Variants in USP6NL observed in about 807,000 individuals in gnomAD.
USP6NL encodes USP6 N-terminal like.
In USP6NL, 26 loss-of-function variants were observed where a neutral mutation model predicts 61.9. The observed-to-expected ratio is 0.42, with a 90% CI of 0.31 to 0.58. The LOEUF (loss-of-function observed/expected upper bound fraction) is 0.58. USP6NL is among the 20% of genes least tolerant of loss of function. The pLI, the probability that USP6NL is intolerant of heterozygous loss-of-function variation, is 0.16. For missense variants in USP6NL, 1,114 were observed against 1,034.3 expected (o/e 1.08, Z -1.06); for synonymous variants, 432 against 390.1 (o/e 1.11, Z -1.27).
intron 14 of USP6NL, among the ~76,000 whole-genome samples, chr10:11,464,780 T>G (rs1832378184): frequency 6.6e-6 from 1 of 152,212 alleles, no homozygotes; most frequent in Non-Finnish European, 1.5e-5. Context: ...GAAATATATT[T>G]TATAATATGT....
In USP6NL at chr10:11,537,942, G is replaced by C. The variant is rs952738900; in HGVS notation, c.5-10375C>G. ...TGCAAATAAAAAGATCAACAGTGTC[G>C]ATATAATTGGTAGGTTGCTTGTTTT... On this transcript the variant is annotated intron_variant, in intron 2 of 14. Coordinates refer to ENST00000609104, the MANE Select transcript of USP6NL (RefSeq NM_014688.5). The surrounding 1 kb of genome is among the most constrained non-coding windows in gnomAD (Gnocchi z 5.1). Among the ~76,000 whole-genome samples, 1 of 152,184 alleles carries C rather than the reference G, an allele frequency of 6.6e-6. No homozygotes were observed. Among genetic ancestry groups the C allele is most frequent in the Non-Finnish European group, 1.5e-5 (1 of 68,034 alleles).
At chr10:11,557,777 C>T (rs1364543200) in intron 2 of USP6NL, among the ~76,000 whole-genome samples, 1 of 152,084 alleles carries the variant, frequency 6.6e-6, no homozygotes, top group Non-Finnish European at 1.5e-5. Context: ...ACTACACGGG[C>T]GGGCTCATCT....
In USP6NL at chr10:11,528,675, G is replaced by A. The variant is rs1359840239; in HGVS notation, c.5-1108C>T. Reference sequence around the variant, plus strand: ...TTATAAAAATGATGACTAAAGACATGAAAAAGGACTTCCAGTTACCGATGG... The same window carrying A: ...TTATAAAAATGATGACTAAAGACATAAAAAAGGACTTCCAGTTACCGATGG... On this transcript the variant is annotated intron_variant, in intron 2 of 14. Transcript: ENST00000609104. The surrounding 1 kb of genome is among the most constrained non-coding windows in gnomAD (Gnocchi z 4.6). 6.6e-6 allele frequency among the ~76,000 whole-genome samples: 1 copy of A among 152,152 alleles called. No homozygotes were observed. Among genetic ancestry groups the A allele is most frequent in the Non-Finnish European group, 1.5e-5 (1 of 68,014 alleles).
rs1296033695 is a variant in USP6NL at position 11,518,780 on chromosome 10, C to G, written c.156-206G>C. 6.6e-6 allele frequency among the ~76,000 whole-genome samples: 1 copy of G among 152,204 alleles called. No homozygotes were observed. The highest frequency in any genetic ancestry group is 1.5e-5 in the Non-Finnish European group (1 of 68,038). On this transcript the variant is annotated intron_variant, in intron 4 of 14. Coordinates refer to ENST00000609104, the MANE Select transcript of USP6NL (RefSeq NM_014688.5). The surrounding 1 kb of genome is among the most constrained non-coding windows in gnomAD (Gnocchi z 5.3). ...TCTTCAAAATCCAGCCCTGCACTGTCACCAGTAGCCACAAGCCACATTTAT... is the reference window on the plus strand; with the variant it reads ...TCTTCAAAATCCAGCCCTGCACTGTGACCAGTAGCCACAAGCCACATTTAT...
rs1313847177 is a variant in USP6NL at position 11,528,159 on chromosome 10, A to ACACACC, written c.5-593_5-592insGGTGTG. On this transcript the variant is annotated intron_variant, in intron 2 of 14. Transcript: ENST00000609104. This position sits in a 1 kb window ranked among gnomAD's most constrained non-coding sequence, Gnocchi z 4.6. Reference sequence around the variant, plus strand: ...CACACACACACACACACACACACACACCCTTCATCCTTATTAACATTAGGA... The same window carrying ACACACC: ...CACACACACACACACACACACACACACACACCCCCTTCATCCTTATTAACATTAGGA... 1.7e-4 allele frequency among the ~76,000 whole-genome samples: 25 copies of ACACACC among 150,902 alleles called. No individual in the cohort carries two copies. The highest frequency in any genetic ancestry group is 6.1e-4 in the African/African-American group (25 of 40,882).
At chr10:11,523,833 G>A (rs1591885215) in intron 4 of USP6NL, among the ~76,000 whole-genome samples, 1 of 152,178 alleles carries the variant, frequency 6.6e-6, no homozygotes, top group African/African-American at 2.4e-5. Context: ...AAACACTTGG[G>A]AAGGTCAAAA....
In USP6NL at chr10:11,463,399, G is replaced by A. The variant is rs756118838; in HGVS notation, c.1529C>T (p.Ala510Val). 8.1e-6 allele frequency: 13 copies of A among 1,614,048 alleles called. No individual in the cohort carries two copies. The highest frequency in any genetic ancestry group is 1.1e-5 in the Non-Finnish European group (13 of 1,179,906). Residue 510 changes from alanine to valine, a missense_variant, in exon 15 of 15, where the codon GCA becomes GTA. Coordinates refer to ENST00000609104, the MANE Select transcript of USP6NL (RefSeq NM_014688.5). The surrounding 1 kb of genome is among the most constrained non-coding windows in gnomAD (Gnocchi z 6.3). The stretch of plus-strand genomic sequence containing the variant: ...GGTAACTGCGAGCGCGGGGTGCGCT[G>A]CTCGACCTTTGCCTTCCATGGTGTA... ...AKYTMEGKGRAAHPALAVTVP... is the reference protein window; with the variant it reads ...AKYTMEGKGRVAHPALAVTVP...
chr10:11,462,909 A>C lies in USP6NL; in HGVS notation c.2019T>G (p.Ser673=). Residue 673 remains serine (S), a synonymous_variant, in exon 15 of 15, where the codon TCT becomes TCG. Transcript: ENST00000609104. ...QLNPSRRPHG[S]TLSVSASPEK... ...CCGGAGAAGCACTGACGGAAAGAGT[A>C]GAACCATGAGGTCTCCTGGAAGGAT... 1.9e-6 allele frequency: 3 copies of C among 1,613,658 alleles called. No individual in the cohort carries two copies. The highest frequency in any genetic ancestry group is 2.5e-6 in the Non-Finnish European group (3 of 1,179,712).
chr10:11,481,653 A>G lies in USP6NL; in HGVS notation c.1078+117T>C, dbSNP rs2133221488. On this transcript the variant is annotated intron_variant, in intron 14 of 14. Coordinates refer to ENST00000609104, the MANE Select transcript of USP6NL (RefSeq NM_014688.5). The surrounding 1 kb of genome is among the most constrained non-coding windows in gnomAD (Gnocchi z 4.4). ...CTGAGCTGGTAAGGCATTCATCCAC[A>G]TTATGTCATCACAAGTATAATGCTT... 8.8e-7 allele frequency: 1 copy of G among 1,135,196 alleles called. No homozygotes were observed. The highest frequency in any genetic ancestry group is 1.2e-6 in the Non-Finnish European group (1 of 852,640). 70.3% of individuals were successfully genotyped at this position (1,135,196 alleles called of 1,614,324 possible). A position where few individuals can be genotyped will look rare whatever the true frequency, so the allele number is the denominator to read the frequency against.
intron 2 of USP6NL, chr10:11,565,533 T>G (rs892051358): frequency 4.6e-5 from 7 of 152,018 alleles, no homozygotes; most frequent in Admixed American, 3.9e-4. Flanking sequence ...TCCCAGCTAC[T>G]TGGGAGGCTG....
intron 2 of USP6NL, among the ~76,000 whole-genome samples, chr10:11,581,502 G>A (rs1837773257): frequency 6.6e-6 from 1 of 152,058 alleles, no homozygotes; most frequent in Non-Finnish European, 1.5e-5. Context: ...AACTTTTTTG[G>A]CTTTCCTGGA....
intron 2 of USP6NL, among the ~76,000 whole-genome samples, chr10:11,584,632 G>A (rs756924877): frequency 6.6e-6 from 1 of 151,880 alleles, no homozygotes; most frequent in Non-Finnish European, 1.5e-5. Flanking sequence ...AATGGTACAT[G>A]TCTCAAAATA....
rs1834452852 is a variant in USP6NL at position 11,506,730 on chromosome 10, C to A, written c.276+2865G>T. Among the ~76,000 whole-genome samples, 4 of 131,430 alleles carry A rather than the reference C, an allele frequency of 3.0e-5. No homozygotes were observed. The South Asian group carries it at 1.0e-3, about 34-fold the overall frequency. The allele number at this position is 131,430 out of a possible 152,430, so 86.2% of individuals were successfully genotyped here. ...ACAGAGGCAACACAAACAACCTTAA[C>A]AGAATTTTTTTTTTTTTTTCATTAA... On this transcript the variant is annotated intron_variant, in intron 6 of 14. Transcript: ENST00000609104.
intron 7 of USP6NL, among the ~76,000 whole-genome samples, chr10:11,497,472 ACTG>A (rs1408004433): frequency 6.6e-6 from 1 of 152,084 alleles, no homozygotes; most frequent in African/African-American, 2.4e-5. Flanking sequence ...AGAGGTTTCA[ACTG>A]TTGTTCTACA....
chr10:11,555,021 G>A (rs1327548149), intron 2 of USP6NL, among the ~76,000 whole-genome samples: 1 of 142,852 alleles, frequency 7.0e-6, no homozygotes, highest in Non-Finnish European at 1.5e-5. Flanking sequence ...AGCCAGGATG[G>A]TCTCGATCTC....
chr10:11,546,782 T>C (rs767444225), intron 2 of USP6NL, among the ~76,000 whole-genome samples: 3 of 152,222 alleles, frequency 2.0e-5, no homozygotes, highest in Non-Finnish European at 2.9e-5. Context: ...CTGGCAAGTA[T>C]GATGGAATGC....
Position 11,462,360 on chromosome 10 carries a change from A to C in USP6NL, c.*81T>G. ...GTGCGAGTTGTTTACAATAGTATAA[A>C]TACTGCTTTGGCAATTATGAACATA... On this transcript the variant is annotated 3_prime_UTR_variant, in exon 15 of 15. Coordinates refer to ENST00000609104, the MANE Select transcript of USP6NL (RefSeq NM_014688.5). 2.0e-6 allele frequency: 3 copies of C among 1,469,824 alleles called. No homozygotes were observed. The South Asian group carries it at 4.1e-5, about 20-fold the overall frequency. 91.0% of individuals were successfully genotyped at this position (1,469,824 alleles called of 1,614,324 possible).
At position 11,595,633 on chromosome 10, in the gene USP6NL, T is replaced by G. The variant is rs988025924; in HGVS notation, c.4+1998A>C. Among the ~76,000 whole-genome samples, 1 of 151,486 alleles carries G rather than the reference T, an allele frequency of 6.6e-6. No individual in the cohort carries two copies. Among genetic ancestry groups the G allele is most frequent in the Non-Finnish European group, 1.5e-5 (1 of 67,912 alleles). On this transcript the variant is annotated intron_variant, in intron 2 of 14. Transcript: ENST00000609104. The surrounding 1 kb of genome is among the most constrained non-coding windows in gnomAD (Gnocchi z 5.3). ...CAAATATGAATCTGCTAGACCAGCA[T>G]GAAAAAAACAAAAATCACAAAAAGA...
chr10:11,502,258 CAAA>C (rs58597235), intron 6 of USP6NL, among the ~76,000 whole-genome samples: 5 of 96,922 alleles, frequency 5.2e-5, no homozygotes, highest in Admixed American at 2.1e-4. Context: ...GACTCCATCT[CAAA>C]AAAAAAAAAA....
Sources: gnomAD v4.1 joint callset for allele counts (sites outside exome capture counted in the v4.1 genomes callset) on GRCh38, gnomAD v4.1.1 for gene constraint, Gnocchi (gnomAD v3.1) non-coding constraint, MANE v1.5 for transcripts, NCBI Gene and HGNC (gene_info 2026-07-23, HGNC 2026-07-21) for gene names.